ESRRG: variants seen among roughly 807,000 people sequenced by gnomAD.
The protein encoded by ESRRG is estrogen related receptor gamma.
In ESRRG, 13 loss-of-function variants were observed where a neutral mutation model predicts 44.0. The ratio of observed to expected loss-of-function variants is 0.30; its 90% confidence interval spans 0.19 to 0.47. The LOEUF is 0.47. Among genes scored for constraint, ESRRG ranks in the 20% least tolerant of loss-of-function variants. The pLI is 1.00. For missense variants in ESRRG, 395 were observed against 580.6 expected (o/e 0.68, Z 3.29); for synonymous variants, 215 against 214.6 (o/e 1.00, Z -0.02).
At chr1:216,583,686 C>T (rs1266751472) in intron 3 of ESRRG, among the ~76,000 whole-genome samples, 1 of 152,158 alleles carries the variant, frequency 6.6e-6, no homozygotes, top group Non-Finnish European at 1.5e-5. Flanking sequence ...CAGGAACATG[C>T]TTTAATGTCA....
At chr1:216,772,113 G>A (rs543975247) in intron 2 of ESRRG, among the ~76,000 whole-genome samples, 230 of 152,200 alleles carry the variant, frequency 1.5e-3, no homozygotes, top group African/African-American at 5.0e-3. Flanking sequence ...AAGCAATACA[G>A]AGTAGAGGGA....
intron 1 of ESRRG, among the ~76,000 whole-genome samples, chr1:217,107,001 T>C (rs2092605593): frequency 6.6e-6 from 1 of 152,168 alleles, no homozygotes; most frequent in Non-Finnish European, 1.5e-5. Context: ...ACTAAGACAG[T>C]TTTCATAGAT....
At chr1:216,981,744 G>A (rs1361364402) in intron 1 of ESRRG, among the ~76,000 whole-genome samples, 2 of 151,648 alleles carry the variant, frequency 1.3e-5, no homozygotes, top group Non-Finnish European at 2.9e-5. Flanking sequence ...CGCACACACA[G>A]CACACACATA....
At chr1:216,773,110 G>T (rs1402789491) in intron 2 of ESRRG, among the ~76,000 whole-genome samples, 3 of 152,012 alleles carry the variant, frequency 2.0e-5, no homozygotes, top group Non-Finnish European at 4.4e-5. Flanking sequence ...AGGCATGAAA[G>T]AAATCTTAAC....
chr1:216,559,124 C>A (rs2058200007), intron 5 of ESRRG, among the ~76,000 whole-genome samples: 1 of 152,062 alleles, frequency 6.6e-6, no homozygotes, highest in Non-Finnish European at 1.5e-5. Flanking sequence ...CCTGCCTCGG[C>A]CTCCCAAAGT....
chr1:216,917,253 G>A (rs74341920), intron 2 of ESRRG, among the ~76,000 whole-genome samples: 2,963 of 150,970 alleles, frequency 0.02, 96 homozygotes, highest in African/African-American at 0.068. Context: ...GAACTGGAAC[G>A]AGATCATTTC....
chr1:216,757,431 T>A (rs1179865635), intron 2 of ESRRG, among the ~76,000 whole-genome samples: 3 of 152,082 alleles, frequency 2.0e-5, no homozygotes, highest in East Asian at 1.9e-4. Flanking sequence ...ATTAATATAT[T>A]TCTTTGTGTA....
chr1:216,789,650 T>C (rs1017989799), intron 2 of ESRRG, among the ~76,000 whole-genome samples: 1 of 152,138 alleles, frequency 6.6e-6, no homozygotes, highest in Non-Finnish European at 1.5e-5. Context: ...AATCTAATAT[T>C]TTCATTTCAC....
At chr1:216,897,218 C>T (rs2058534734) in intron 2 of ESRRG, among the ~76,000 whole-genome samples, 1 of 152,184 alleles carries the variant, frequency 6.6e-6, no homozygotes, top group Admixed American at 6.5e-5. Flanking sequence ...CAAAGTACCT[C>T]TGAGTAAAAC....
chr1:216,910,679 T>C (rs1166455908), intron 2 of ESRRG, among the ~76,000 whole-genome samples: 2 of 152,186 alleles, frequency 1.3e-5, no homozygotes, highest in Non-Finnish European at 2.9e-5. Flanking sequence ...CCGACAATGC[T>C]TTCTTTGTTA....
At chr1:216,660,699 T>A (rs773232496) in intron 2 of ESRRG, among the ~76,000 whole-genome samples, 1 of 152,222 alleles carries the variant, frequency 6.6e-6, no homozygotes. Flanking sequence ...CTGAGAGTGA[T>A]AGGTTCAGGG....
chr1:216,957,126 T>C (rs944749710), intron 1 of ESRRG, among the ~76,000 whole-genome samples: 5 of 152,206 alleles, frequency 3.3e-5, no homozygotes, highest in Non-Finnish European at 7.3e-5. Context: ...TATCACTTTC[T>C]TTTTACTTTC....
At chr1:217,060,832 A>ATGATAGATAGATAG (rs1558152887) in intron 1 of ESRRG, among the ~76,000 whole-genome samples, 2 of 133,268 alleles carry the variant, frequency 1.5e-5, no homozygotes, top group African/African-American at 3.0e-5. Context: ...AGATAGATAG[A>ATGATAGATAGATAG]AAAAAGGGAA....
At chr1:216,619,854 C>A (rs2061946498) in intron 3 of ESRRG, among the ~76,000 whole-genome samples, 1 of 152,136 alleles carries the variant, frequency 6.6e-6, no homozygotes, top group Admixed American at 6.5e-5. Context: ...CTACAAATAT[C>A]TAGTCAGTAA....
chr1:216,936,264 A>G (rs1478458985), intron 2 of ESRRG, among the ~76,000 whole-genome samples: 1 of 152,178 alleles, frequency 6.6e-6, no homozygotes, highest in Non-Finnish European at 1.5e-5. Context: ...CCATGTGTCC[A>G]AGAAACAACA....
At chr1:216,809,034 A>G (rs145254802) in intron 2 of ESRRG, among the ~76,000 whole-genome samples, 3 of 152,250 alleles carry the variant, frequency 2.0e-5, no homozygotes, top group African/African-American at 4.8e-5. Context: ...GCTAGCTTAC[A>G]TGTCTATGTA....
chr1:216,614,978 T>C (rs996336846), intron 3 of ESRRG, among the ~76,000 whole-genome samples: 6 of 152,210 alleles, frequency 3.9e-5, no homozygotes, highest in African/African-American at 1.4e-4. Flanking sequence ...GTTGTAATTA[T>C]ATAATCTGCT....
At chr1:216,544,308 C>T (rs1020954522) in intron 5 of ESRRG, among the ~76,000 whole-genome samples, 1 of 152,002 alleles carries the variant, frequency 6.6e-6, no homozygotes, top group Non-Finnish European at 1.5e-5. Flanking sequence ...ATTTTAGTCA[C>T]CCTGATTAAA....
intron 1 of ESRRG, among the ~76,000 whole-genome samples, chr1:216,713,692 G>A (rs966587639): frequency 6.6e-6 from 1 of 152,150 alleles, no homozygotes; most frequent in African/African-American, 2.4e-5. Flanking sequence ...ATATTCACCT[G>A]TAATTTCATC....
Sources: allele counts gnomAD v4.1 joint callset (sites outside exome capture counted in the v4.1 genomes callset), GRCh38; gene constraint gnomAD v4.1.1; transcripts MANE v1.5; gene names NCBI Gene and HGNC (gene_info 2026-07-23, HGNC 2026-07-21).